The following SLC1A7 variants were observed in gnomAD, a reference collection of about 807,000 sequenced individuals.
SLC1A7 encodes excitatory amino acid transporter 5.
SLC1A7 carries 40 observed loss-of-function variants against 47.7 expected under a neutral mutation model. That is an observed-to-expected ratio of 0.84 (90% confidence interval 0.65 to 1.09). SLC1A7 has a LOEUF of 1.09. Ranked by LOEUF, SLC1A7 falls within the 50% of genes least tolerant of loss-of-function variation. SLC1A7 has a pLI of 0.00. For missense variants in SLC1A7, 746 were observed against 769.5 expected (o/e 0.97, Z 0.36); for synonymous variants, 323 against 325.6 (o/e 0.99, Z 0.09).
At chr1:53,112,597 G>GAACT (rs1209291898) in intron 3 of SLC1A7, among the ~76,000 whole-genome samples, 1 of 152,244 alleles carries the variant, frequency 6.6e-6, no homozygotes, top group Non-Finnish European at 1.5e-5. Context: ...TAAGCCAAGA[G>GAACT]AACTATTCAG....
At chr1:53,138,835 T>C (rs1015597709) in intron 1 of SLC1A7, among the ~76,000 whole-genome samples, 3 of 152,190 alleles carry the variant, frequency 2.0e-5, no homozygotes, top group African/African-American at 7.2e-5. Flanking sequence ...ATCTTAGTTC[T>C]TCTATTTTTA....
chr1:53,089,762 C>T, intron 9 of SLC1A7, 38 bp downstream of exon 9: 1 of 1,609,680 alleles, frequency 6.2e-7, no homozygotes, highest in East Asian at 2.2e-5. Flanking sequence ...AAGTCAGCCC[C>T]TCCCAGAGGG....
intron 4 of SLC1A7, among the ~76,000 whole-genome samples, chr1:53,105,081 G>T (rs543183415): frequency 2.0e-5 from 3 of 152,202 alleles, no homozygotes; most frequent in African/African-American, 7.2e-5. Context: ...AAAGCAAGAT[G>T]AAAACTGTAT....
rs116502506 is a variant in SLC1A7, at chr1:53,104,581, C to T, written c.475-1013G>A. Among the ~76,000 whole-genome samples, 909 of 152,340 alleles carry T rather than the reference C, an allele frequency of 6.0e-3. 4 individuals are homozygous for T. The highest frequency in any genetic ancestry group is 0.02 in the African/African-American group (846 of 41,568). On this transcript the variant is annotated intron_variant, in intron 4 of 10. Transcript: ENST00000371494. The stretch of plus-strand genomic sequence containing the variant: ...ATTCTTTCTCTTTATCTCTCACACC[C>T]TCAATGATTCCCAATTACAATAGAA...
At chr1:53,094,345 G>A (rs148877724) in intron 5 of SLC1A7, among the ~76,000 whole-genome samples, 20 of 152,318 alleles carry the variant, frequency 1.3e-4, no homozygotes, top group East Asian at 9.7e-4. Context: ...GTGTGGGAAC[G>A]GCTCCGTGGG....
intron 5 of SLC1A7, among the ~76,000 whole-genome samples, chr1:53,094,672 C>T (rs1363011256): frequency 2.0e-5 from 3 of 152,200 alleles, no homozygotes; most frequent in South Asian, 2.1e-4. Flanking sequence ...GGGCCTACCC[C>T]GCCCGCCTGT....
In SLC1A7 at chr1:53,089,862, C is replaced by T; in HGVS notation, c.1299G>A (p.Val433=). ...CGGTGGGCAGTCCCACGGAGGTGAGCACGATGACCATGGTGACGAGGCCGG... is the reference window on the plus strand; with the variant it reads ...CGGTGGGCAGTCCCACGGAGGTGAGTACGATGACCATGGTGACGAGGCCGG... ...PQAGLVTMVI[V]LTSVGLPTDD... Residue 433 remains valine, a synonymous_variant, in exon 9 of 11, where the codon GTG becomes GTA. Transcript: ENST00000371494. The T allele has an allele frequency of 1.2e-6, 2 of 1,613,972 alleles. No homozygotes were observed. Among genetic ancestry groups the T allele is most frequent in the Non-Finnish European group, 8.5e-7 (1 of 1,180,004 alleles).
intron 2 of SLC1A7, among the ~76,000 whole-genome samples, chr1:53,134,102 G>A (rs1557691560): frequency 6.6e-6 from 1 of 152,172 alleles, no homozygotes; most frequent in Non-Finnish European, 1.5e-5. Context: ...TTGGAGTCGG[G>A]TCATATCCGT....
At chr1:53,134,453 G>A in intron 1 of SLC1A7, 24 bp from the exon 2 acceptor site, 2 of 1,527,834 alleles carry the variant, frequency 1.3e-6, no homozygotes, top group Non-Finnish European at 9.1e-7. Flanking sequence ...AAGAACTGGG[G>A]TTATAGCAAG....
intron 10 of SLC1A7, 144 bp from the exon 11 acceptor site, chr1:53,088,371 C>T (rs1644383159): frequency 1.7e-5 from 11 of 644,026 alleles, no homozygotes; most frequent in Non-Finnish European, 2.8e-5. Context: ...GTGACCTCGG[C>T]AGGTCACGGC....
chr1:53,108,304 T>C (rs1644666483), intron 3 of SLC1A7: 2 of 417,122 alleles, frequency 4.8e-6, no homozygotes, highest in Non-Finnish European at 8.6e-6. Flanking sequence ...CGGAGAACAT[T>C]TGGAAGCTCG....
At chr1:53,129,607 A>T (rs1390211184) in intron 2 of SLC1A7, among the ~76,000 whole-genome samples, 33 of 136,788 alleles carry the variant, frequency 2.4e-4, no homozygotes, top group South Asian at 6.8e-4. Context: ...GATTATGGGA[A>T]GAGTGACTGA....
At chr1:53,132,777 C>T (rs1468679436) in intron 2 of SLC1A7, among the ~76,000 whole-genome samples, 1 of 152,144 alleles carries the variant, frequency 6.6e-6, no homozygotes, top group Non-Finnish European at 1.5e-5. Context: ...ACCCAGGAAG[C>T]CGAGGCTGCA....
Position 53,089,909 on chromosome 1 carries a change from C to T in SLC1A7, c.1252G>A (p.Gly418Arg). 1 of 1,613,586 alleles carries T rather than the reference C, an allele frequency of 6.2e-7. No individual in the cohort carries two copies. Among genetic ancestry groups the T allele is most frequent in the Non-Finnish European group, 8.5e-7 (1 of 1,179,920 alleles). The change falls in exon 9 of 11, where the codon GGG becomes AGG. Residue 418 changes from glycine to arginine, a missense_variant. By Grantham distance (125) the Gly-to-Arg change is moderately radical. Coordinates refer to ENST00000371494, the MANE Select transcript of SLC1A7 (RefSeq NM_006671.6). ...CCGGCCTGGGGGATGCCAGCTGCCC[C>T]AATGCTGGCTGCAGTGGCTGTGATA... ...ISITATAASI[G>R]AAGIPQAGLV...
intron 8 of SLC1A7, chr1:53,090,236 T>C: frequency 1.8e-6 from 1 of 554,854 alleles, no homozygotes. Context: ...CCAGGGACTC[T>C]GACTGACCAC....
intron 1 of SLC1A7, among the ~76,000 whole-genome samples, chr1:53,137,299 AGT>A (rs1645012105): frequency 7.2e-6 from 1 of 139,692 alleles, no homozygotes; most frequent in Admixed American, 7.5e-5. Flanking sequence ...AAAAAAAAAA[AGT>A]GCTCTACTGA....
chr1:53,105,317 C>G (rs1031023329), intron 4 of SLC1A7, among the ~76,000 whole-genome samples: 1 of 152,114 alleles, frequency 6.6e-6, no homozygotes, highest in Non-Finnish European at 1.5e-5. Flanking sequence ...GAAGATAGGC[C>G]TGGGTTTACC....
Position 53,107,153 on chromosome 1 carries a change from TAAAAA to T in SLC1A7, c.432-1384_432-1380del, listed in dbSNP as rs11417607. On this transcript the variant is annotated intron_variant, in intron 3 of 10. Transcript: ENST00000371494. Reference sequence around the variant, plus strand: ...CCTGGGGACAGAGTGAGACTCTGACTAAAAAAAAAAAAAAAAAAAAAAAAAAGGCA... The same window carrying T: ...CCTGGGGACAGAGTGAGACTCTGACTAAAAAAAAAAAAAAAAAAAAAGGCA... 2.5e-4 allele frequency among the ~76,000 whole-genome samples: 6 copies of T among 24,338 alleles called. No individual in the cohort carries two copies. In the South Asian group the frequency reaches 7.8e-3, roughly 32 times the overall value. The allele number at this position is 24,338 out of a possible 152,430, so 16.0% of individuals were successfully genotyped here. A position where few individuals can be genotyped will look rare whatever the true frequency, so the allele number is the denominator to read the frequency against.
intron 3 of SLC1A7, chr1:53,108,378 A>G (rs7534682): frequency 0.074 from 41,769 of 567,394 alleles, 2,778 homozygotes; most frequent in East Asian, 0.24. Context: ...TACAATTACA[A>G]TCATTTTAAA....
Sources: gnomAD v4.1 joint callset for allele counts (sites outside exome capture counted in the v4.1 genomes callset) on GRCh38, gnomAD v4.1.1 for gene constraint, MANE v1.5 for transcripts, NCBI Gene and HGNC (gene_info 2026-07-23, HGNC 2026-07-21) for gene names.